ADGRL2: variants seen among roughly 807,000 people sequenced by gnomAD.
ADGRL2 encodes the protein adhesion G protein-coupled receptor L2, also known as calcium-independent alpha-latrotoxin receptor 2.
In ADGRL2, 44 loss-of-function variants were observed where a neutral mutation model predicts 157.4. The ratio of observed to expected loss-of-function variants is 0.28; its 90% CI spans 0.22 to 0.36. The LOEUF is 0.36. Ranked by LOEUF, ADGRL2 falls within the 10% of genes least tolerant of loss-of-function variation. The pLI, the probability that ADGRL2 is intolerant of heterozygous loss-of-function variation, is 1.00. For missense variants in ADGRL2, 1,510 were observed against 1,768.9 expected (o/e 0.85, Z 2.63); for synonymous variants, 585 against 624.7 (o/e 0.94, Z 0.95).
intron 2 of ADGRL2, among the ~76,000 whole-genome samples, chr1:81,568,874 C>T (rs2080622404): frequency 6.6e-6 from 1 of 152,066 alleles, no homozygotes; most frequent in African/African-American, 2.4e-5. Context: ...GCCTGTTCTC[C>T]ATCCTCTACT....
intron 1 of ADGRL2, among the ~76,000 whole-genome samples, chr1:81,733,860 G>T (rs557500508): frequency 2.6e-4 from 39 of 152,206 alleles, no homozygotes; most frequent in African/African-American, 8.9e-4. Context: ...GCAGGGGGAG[G>T]ATCAGGAAAA....
At chr1:81,773,880 A>G (rs2086472198) in intron 2 of ADGRL2, among the ~76,000 whole-genome samples, 1 of 152,206 alleles carries the variant, frequency 6.6e-6, no homozygotes, top group African/African-American at 2.4e-5. Context: ...AGAGTACACT[A>G]AGATTGAATG....
intron 2 of ADGRL2, among the ~76,000 whole-genome samples, chr1:81,534,253 C>T (rs752138271): frequency 1.3e-5 from 2 of 152,090 alleles, no homozygotes; most frequent in African/African-American, 4.8e-5. Flanking sequence ...CCTCCGCCTC[C>T]CAGGTTGAAG....
At chr1:81,970,759 AC>A (rs1658494259) in intron 16 of ADGRL2, among the ~76,000 whole-genome samples, 1 of 152,116 alleles carries the variant, frequency 6.6e-6, no homozygotes, top group African/African-American at 2.4e-5. Flanking sequence ...TTTCTTTTTA[AC>A]ACAAAAGATT....
chr1:81,904,387 T>C (rs1179485672), intron 2 of ADGRL2, among the ~76,000 whole-genome samples: 1 of 152,232 alleles, frequency 6.6e-6, no homozygotes, highest in Non-Finnish European at 1.5e-5. Context: ...TGGTATTTGC[T>C]ATTAAGAACT....
At chr1:81,702,022 G>T (rs2083590138) in intron 1 of ADGRL2, among the ~76,000 whole-genome samples, 1 of 152,114 alleles carries the variant, frequency 6.6e-6, no homozygotes, top group South Asian at 2.1e-4. Flanking sequence ...CCCTATTCTT[G>T]TGTAAGATGA....
At chr1:81,431,921 T>C (rs1178248814) in intron 1 of ADGRL2, among the ~76,000 whole-genome samples, 2 of 152,202 alleles carry the variant, frequency 1.3e-5, no homozygotes, top group Non-Finnish European at 2.9e-5. Context: ...TTTTTACCTC[T>C]CTTTAAACAG....
intron 2 of ADGRL2, among the ~76,000 whole-genome samples, chr1:81,469,416 G>T (rs957285347): frequency 1.3e-5 from 2 of 152,122 alleles, no homozygotes; most frequent in African/African-American, 4.8e-5. Flanking sequence ...TTCTGTTAAA[G>T]TCGCTTACAG....
chr1:81,866,881 A>G (rs2093557472), intron 2 of ADGRL2, among the ~76,000 whole-genome samples: 1 of 152,172 alleles, frequency 6.6e-6, no homozygotes, highest in African/African-American at 2.4e-5. Flanking sequence ...GGGTGTGTGC[A>G]TAAAATAGAT....
chr1:81,804,205 T>C (rs1472011018), intron 1 of ADGRL2, among the ~76,000 whole-genome samples: 1 of 152,204 alleles, frequency 6.6e-6, no homozygotes, highest in Non-Finnish European at 1.5e-5. Flanking sequence ...CCAGGTGTGT[T>C]ATGGAACGTT....
intron 1 of ADGRL2, among the ~76,000 whole-genome samples, chr1:81,348,021 G>A (rs1384986706): frequency 6.6e-6 from 1 of 152,200 alleles, no homozygotes; most frequent in Non-Finnish European, 1.5e-5. Flanking sequence ...CACAGGCCCA[G>A]AGGGCAAGGC....
At chr1:81,477,695 A>G (rs1180981450) in intron 2 of ADGRL2, among the ~76,000 whole-genome samples, 2 of 152,248 alleles carry the variant, frequency 1.3e-5, no homozygotes, top group Non-Finnish European at 2.9e-5. Flanking sequence ...TAGTAAATAT[A>G]CTGCATGTTA....
chr1:81,792,891 A>G (rs780656560), intron 2 of ADGRL2, among the ~76,000 whole-genome samples: 15 of 152,146 alleles, frequency 9.9e-5, no homozygotes, highest in Non-Finnish European at 1.9e-4. Context: ...GACCATTTTT[A>G]AAATTTGTAA....
intron 1 of ADGRL2, among the ~76,000 whole-genome samples, chr1:81,332,669 C>A (rs1275747893): frequency 6.6e-6 from 1 of 152,052 alleles, no homozygotes; most frequent in Non-Finnish European, 1.5e-5. Flanking sequence ...TCTGAGGAAA[C>A]ATGTATAGAA....
rs539000625 is a variant in ADGRL2, at chr1:81,559,078, G to A, written c.-247-21798G>A. 3.3e-5 allele frequency among the ~76,000 whole-genome samples: 5 copies of A among 152,190 alleles called. No homozygotes were observed. The South Asian group carries it at 1.0e-3, about 32-fold the overall frequency. ...GATTTTTTCTGTCATTCTGTAAGGA[G>A]ACTTAGATTTGGTCATCTTCCCACC... On this transcript the variant is annotated intron_variant, in intron 2 of 24. Coordinates refer to the ADGRL2 transcript ENST00000370721.
At chr1:81,747,225 G>A (rs1204084238) in intron 1 of ADGRL2, among the ~76,000 whole-genome samples, 1 of 144,862 alleles carries the variant, frequency 6.9e-6, no homozygotes, top group Non-Finnish European at 1.5e-5. Flanking sequence ...GTGTATATAT[G>A]TATATATACA....
intron 2 of ADGRL2, among the ~76,000 whole-genome samples, chr1:81,501,000 G>A (rs181856379): frequency 5.8e-4 from 89 of 152,164 alleles, no homozygotes; most frequent in Middle Eastern, 3.4e-3. Flanking sequence ...TGTGGGTCTC[G>A]AATTGGATGG....
chr1:81,335,190 T>C (rs1371630803), intron 1 of ADGRL2, among the ~76,000 whole-genome samples: 1 of 152,210 alleles, frequency 6.6e-6, no homozygotes, highest in Non-Finnish European at 1.5e-5. Context: ...AATATGTGTT[T>C]TTTAATATTT....
chr1:81,679,003 G>T (rs562545062), intron 3 of ADGRL2, among the ~76,000 whole-genome samples: 1 of 152,246 alleles, frequency 6.6e-6, no homozygotes, highest in South Asian at 2.1e-4. Context: ...CATTTATTAG[G>T]TAGCCACAGA....
Sources: allele counts gnomAD v4.1 joint callset (sites outside exome capture counted in the v4.1 genomes callset), GRCh38; gene constraint gnomAD v4.1.1; transcripts MANE v1.5; gene names NCBI Gene and HGNC (gene_info 2026-07-23, HGNC 2026-07-21).